FAM186A: variants seen among roughly 807,000 people sequenced by gnomAD.
FAM186A encodes protein FAM186A.
FAM186A carries 163 observed loss-of-function variants against 216.8 expected under a neutral mutation model. The observed-to-expected ratio is 0.75, with a 90% CI of 0.66 to 0.86. FAM186A has a LOEUF of 0.86. Among genes scored for constraint, FAM186A ranks in the 40% least tolerant of loss-of-function variants. The probability of loss-of-function intolerance (pLI) is 0.00; values close to 1 mark genes in which losing one functional copy is unlikely to be tolerated. For synonymous variants in FAM186A, 805 were observed against 1,025.3 expected, an observed-to-expected ratio of 0.79 and a Z score of 4.10; for missense variants, 2,184 against 2,746.2, an observed-to-expected ratio of 0.80 and a Z score of 4.58.
Position 50,353,775 on chromosome 12 carries a change from A to C in FAM186A, c.3057T>G (p.Asp1019Glu), listed in dbSNP as rs1424433536. Residue 1019 changes from aspartate (D) to glutamate (E), a missense_variant, in exon 4 of 8, where the codon GAT becomes GAG. By Grantham distance (45) the Asp-to-Glu change is conservative (BLOSUM62 2). Coordinates refer to ENST00000327337, the MANE Select transcript of FAM186A (RefSeq NM_001145475.3). ...LSPRWKSVLK[D>E]VQRSYEGKEF... ...CTTTTCCTTCATATGACCGCTGTAC[A>C]TCTTTCAATACACTCTTCCACCTGG... 6.4e-6 allele frequency: 10 copies of C among 1,551,574 alleles called. No individual in the cohort carries two copies. The Admixed American group carries it at 2.0e-4, about 30-fold the overall frequency.
chr12:50,357,926 C>A (rs369561215), intron 3 of FAM186A, among the ~76,000 whole-genome samples: 2 of 151,806 alleles, frequency 1.3e-5, no homozygotes, highest in Admixed American at 1.3e-4. Flanking sequence ...TGCAGTGAGT[C>A]GAGATCACGC....
chr12:50,345,949 A>G (rs2138768151), intron 4 of FAM186A, among the ~76,000 whole-genome samples: 1 of 146,616 alleles, frequency 6.8e-6, no homozygotes, highest in African/African-American at 2.5e-5. Flanking sequence ...ATAGTATTAT[A>G]TGGTGCCATT....
chr12:50,367,089 G>T (rs936750788), intron 1 of FAM186A, among the ~76,000 whole-genome samples: 1 of 151,888 alleles, frequency 6.6e-6, no homozygotes, highest in Non-Finnish European at 1.5e-5. Flanking sequence ...GGCCATATAC[G>T]AAAAGCCCAC....
At chr12:50,332,702 A>T (rs1360170947) in intron 5 of FAM186A, among the ~76,000 whole-genome samples, 3 of 152,016 alleles carry the variant, frequency 2.0e-5, no homozygotes, top group Non-Finnish European at 4.4e-5. Context: ...GAGAATATTC[A>T]TTTTTTTGAC....
chr12:50,327,430 C>T (rs1159534947), intron 7 of FAM186A, 26 bp from the exon 8 acceptor site: 1 of 1,539,242 alleles, frequency 6.5e-7, no homozygotes, highest in Non-Finnish European at 8.8e-7. Flanking sequence ...GAAAATTAAC[C>T]TCATTATAAA....
intron 6 of FAM186A, among the ~76,000 whole-genome samples, chr12:50,331,342 C>T (rs1335478786): frequency 6.6e-6 from 1 of 152,160 alleles, no homozygotes; most frequent in Non-Finnish European, 1.5e-5. Flanking sequence ...CAGGTTCAAG[C>T]GATTCTCCTG....
intron 4 of FAM186A, among the ~76,000 whole-genome samples, chr12:50,344,668 GTTC>G (rs919057011): frequency 6.6e-5 from 10 of 152,086 alleles, no homozygotes; most frequent in African/African-American, 2.4e-4. Context: ...TCTATTTTAA[GTTC>G]TTCGAGAAAT....
intron 4 of FAM186A, among the ~76,000 whole-genome samples, chr12:50,341,130 T>C (rs2138764464): frequency 6.6e-6 from 1 of 152,278 alleles, no homozygotes; most frequent in East Asian, 1.9e-4. Context: ...CCCTGTCATC[T>C]CTTCTCAGAT....
At chr12:50,388,201 C>G (rs1052566390) in intron 1 of FAM186A, among the ~76,000 whole-genome samples, 2 of 152,166 alleles carry the variant, frequency 1.3e-5, no homozygotes, top group African/African-American at 4.8e-5. Flanking sequence ...TTCTAATGAC[C>G]AGTCCCATCC....
intron 6 of FAM186A, 141 bp downstream of exon 6, chr12:50,331,529 A>C (rs977450841): frequency 5.2e-5 from 40 of 769,716 alleles, no homozygotes; most frequent in Non-Finnish European, 7.7e-5. Flanking sequence ...GGCATGAGCC[A>C]CCGCGCCCAG....
rs1426544891 is a variant in FAM186A, at chr12:50,355,548, T to G, written c.1284A>C (p.Glu428Asp). The G allele has an allele frequency of 6.4e-7, 1 of 1,551,504 alleles. No homozygotes were observed. The highest frequency in any genetic ancestry group is 8.7e-7 in the Non-Finnish European group (1 of 1,146,980). ...CTTTAGTGCTGTCTTCGGAAATATC[T>G]TCAGAAGCAACAGGTTGCTGTCGTA... is the stretch of plus-strand genomic sequence containing the variant. ...TELRQQPVAS[E>D]DISEDSTKDN... Residue 428 changes from glutamate (E) to aspartate (D), a missense_variant, in exon 4 of 8, where the codon GAA becomes GAC. Glu to Asp is a conservative substitution (Grantham distance 45). Coordinates refer to ENST00000327337, the MANE Select transcript of FAM186A (RefSeq NM_001145475.3).
At chr12:50,374,990 C>A (rs546638850) in intron 1 of FAM186A, among the ~76,000 whole-genome samples, 33 of 152,004 alleles carry the variant, frequency 2.2e-4, no homozygotes, top group Middle Eastern at 6.8e-3. Context: ...CCAGACTGGC[C>A]AACATGACGA....
Position 50,350,453 on chromosome 12 carries a change from C to T in FAM186A, c.6379G>A (p.Gly2127Arg). Residue 2127 changes from glycine to arginine, a missense_variant, in exon 4 of 8, where the codon GGA becomes AGA. This residue lies in a region of FAM186A where 721 missense variants were observed against 816.4 expected (regional missense o/e 0.88). Coordinates refer to ENST00000327337, the MANE Select transcript of FAM186A (RefSeq NM_001145475.3). ...ATTGTGTGTAGCTGTGAAGGGAGTC[C>T]ACAAGTTTTTATAGCCTGATTTAAT... is the stretch of plus-strand genomic sequence containing the variant. The part of the protein sequence containing the change: ...ILLNQAIKTC[G>R]LPSQLHTMAR... 1 of 1,551,466 alleles carries T rather than the reference C, an allele frequency of 6.4e-7. No individual in the cohort carries two copies. Among genetic ancestry groups the T allele is most frequent in the South Asian group, 1.2e-5 (1 of 84,054 alleles).
At chr12:50,362,007 C>G (rs560917176) in intron 2 of FAM186A, among the ~76,000 whole-genome samples, 2 of 152,110 alleles carry the variant, frequency 1.3e-5, no homozygotes, top group Non-Finnish European at 2.9e-5. Context: ...CAGTCTCACT[C>G]TGTCACCCAG....
intron 2 of FAM186A, among the ~76,000 whole-genome samples, chr12:50,361,399 A>G (rs1943034008): frequency 6.6e-6 from 1 of 151,920 alleles, no homozygotes; most frequent in Non-Finnish European, 1.5e-5. Context: ...GGGTTTCACC[A>G]TGTTGGCCAG....
At chr12:50,380,256 A>G (rs1257094521) in intron 1 of FAM186A, among the ~76,000 whole-genome samples, 1 of 152,220 alleles carries the variant, frequency 6.6e-6, no homozygotes, top group Admixed American at 6.5e-5. Flanking sequence ...GGTTAAATAT[A>G]AAACAATGGT....
intron 1 of FAM186A, among the ~76,000 whole-genome samples, chr12:50,381,934 T>TG (rs1943256987): frequency 6.6e-6 from 1 of 152,110 alleles, no homozygotes; most frequent in Non-Finnish European, 1.5e-5. Flanking sequence ...CACTCCAGCA[T>TG]GGGTGACAAG....
chr12:50,337,357 C>T (rs1355823916), intron 4 of FAM186A, among the ~76,000 whole-genome samples: 2 of 141,276 alleles, frequency 1.4e-5, no homozygotes, highest in Non-Finnish European at 3.0e-5. Context: ...TGCAGTGGCG[C>T]GATCTTGGCT....
At position 50,376,746 on chromosome 12, in the gene FAM186A, CTT is replaced by C. The variant is rs55712994; in HGVS notation, c.193-13384_193-13383del. On this transcript the variant is annotated intron_variant, in intron 1 of 7. Coordinates refer to ENST00000327337, the MANE Select transcript of FAM186A (RefSeq NM_001145475.3). Reference sequence around the variant, plus strand: ...TCCTTTTACCTCTCTCTCTCTCTCTCTTTTTTTTTTTTTAGACAAGGTCTTAT... The same window carrying C: ...TCCTTTTACCTCTCTCTCTCTCTCTCTTTTTTTTTTTAGACAAGGTCTTAT... 2.5e-3 allele frequency among the ~76,000 whole-genome samples: 358 copies of C among 142,472 alleles called. 1 individual carries two copies. The highest frequency in any genetic ancestry group is 0.013 in the South Asian group (56 of 4,362). The allele number at this position is 142,472 out of a possible 152,430, so 93.5% of individuals were successfully genotyped here.
Sources: allele counts gnomAD v4.1 joint callset (sites outside exome capture counted in the v4.1 genomes callset), GRCh38; gene constraint gnomAD v4.1.1; regional missense constraint gnomAD v4.1.1; transcripts MANE v1.5; gene names NCBI Gene and HGNC (gene_info 2026-07-23, HGNC 2026-07-21).